Variants in LAMA2 observed in about 807,000 individuals in gnomAD.
LAMA2 encodes laminin subunit alpha-2.
LAMA2 carries 269 observed loss-of-function variants against 364.8 expected under a neutral mutation model. That is an observed-to-expected ratio of 0.74 (90% CI 0.67 to 0.82). The LOEUF (loss-of-function observed/expected upper bound fraction) is 0.82, where lower values mean the gene tolerates loss of function less well. LAMA2 is among the 40% of genes least tolerant of loss of function. The probability of loss-of-function intolerance (pLI) is 0.00; values close to 1 mark genes in which losing one functional copy is unlikely to be tolerated. For missense variants in LAMA2, 3,807 were observed against 3,873.2 expected, an observed-to-expected ratio of 0.98 and a Z score of 0.45; for synonymous variants, 1,379 against 1,370.6, an observed-to-expected ratio of 1.01 and a Z score of -0.14.
chr6:129,290,786 T>C (rs1789638587), intron 19 of LAMA2, among the ~76,000 whole-genome samples: 1 of 152,188 alleles, frequency 6.6e-6, no homozygotes, highest in Non-Finnish European at 1.5e-5. Flanking sequence ...CGTTTTAGAA[T>C]AACCTCAGAC....
chr6:128,968,119 T>A (rs1781962554), intron 1 of LAMA2, among the ~76,000 whole-genome samples: 1 of 152,174 alleles, frequency 6.6e-6, no homozygotes, highest in African/African-American at 2.4e-5. Flanking sequence ...GGGCTTTCCC[T>A]CCAGTCTGGT....
At chr6:129,014,871 A>T (rs906324317) in intron 1 of LAMA2, among the ~76,000 whole-genome samples, 7 of 152,044 alleles carry the variant, frequency 4.6e-5, no homozygotes, top group Non-Finnish European at 1.0e-4. Flanking sequence ...AGATATAAAG[A>T]TTATAAAATA....
At chr6:129,359,292 A>G (rs200090176) in intron 32 of LAMA2, among the ~76,000 whole-genome samples, 3 of 133,920 alleles carry the variant, frequency 2.2e-5, no homozygotes, top group Non-Finnish European at 4.9e-5. Context: ...ATATAAAAAT[A>G]TATAAAATAT....
chr6:129,015,659 A>C (rs1003781373), intron 1 of LAMA2, among the ~76,000 whole-genome samples: 2 of 152,086 alleles, frequency 1.3e-5, no homozygotes, highest in African/African-American at 4.8e-5. Flanking sequence ...TAAGTATTAG[A>C]GCATTCCTCA....
At chr6:129,362,968 A>T (rs9483014) in intron 32 of LAMA2, among the ~76,000 whole-genome samples, 3 of 152,210 alleles carry the variant, frequency 2.0e-5, no homozygotes, top group Admixed American at 1.3e-4. Flanking sequence ...CCTATAATTT[A>T]TCACCTGGTC....
intron 4 of LAMA2, among the ~76,000 whole-genome samples, chr6:129,106,850 C>T (rs1775853173): frequency 7.3e-6 from 1 of 136,358 alleles, no homozygotes; most frequent in South Asian, 2.3e-4. Context: ...TACTAGACTC[C>T]CTTACTCCTC....
chr6:128,885,377 T>C (rs1282812292), intron 1 of LAMA2, among the ~76,000 whole-genome samples: 1 of 152,230 alleles, frequency 6.6e-6, no homozygotes, highest in Non-Finnish European at 1.5e-5. Context: ...ATTTAGAACT[T>C]AGGCTTCCAG....
At chr6:129,154,083 T>TTG (rs939767843) in intron 7 of LAMA2, among the ~76,000 whole-genome samples, 3 of 152,138 alleles carry the variant, frequency 2.0e-5, no homozygotes, top group East Asian at 1.9e-4. Flanking sequence ...CTGGATATGT[T>TTG]TGTGTGTGTG....
chr6:129,386,167 G>A (rs967922061), intron 35 of LAMA2, among the ~76,000 whole-genome samples: 4 of 151,706 alleles, frequency 2.6e-5, no homozygotes, highest in Non-Finnish European at 4.4e-5. Flanking sequence ...TTTGAATTAA[G>A]TTGGAAATAA....
intron 41 of LAMA2, among the ~76,000 whole-genome samples, chr6:129,434,425 G>C (rs1781742800): frequency 6.6e-6 from 1 of 152,112 alleles, no homozygotes; most frequent in Non-Finnish European, 1.5e-5. Context: ...TGTGTGTGTA[G>C]CCTTTGAGTT....
chr6:128,906,578 T>G (rs1369505787), intron 1 of LAMA2, among the ~76,000 whole-genome samples: 1 of 151,190 alleles, frequency 6.6e-6, no homozygotes, highest in Admixed American at 6.6e-5. Flanking sequence ...TCTCCCATTT[T>G]GTAGGTTGCC....
chr6:128,925,191 G>A (rs1404717654), intron 1 of LAMA2, among the ~76,000 whole-genome samples: 2 of 152,048 alleles, frequency 1.3e-5, no homozygotes, highest in Non-Finnish European at 2.9e-5. Context: ...TTAAAAGCAG[G>A]GTCCTGAAAA....
chr6:129,411,259 A>G (rs961200137), intron 40 of LAMA2, among the ~76,000 whole-genome samples: 1 of 152,166 alleles, frequency 6.6e-6, no homozygotes, highest in Non-Finnish European at 1.5e-5. Flanking sequence ...AGTTGTCCAT[A>G]TTTCTTGGGA....
chr6:129,515,455 T>G (rs904354436), intron 64 of LAMA2, among the ~76,000 whole-genome samples: 1 of 152,326 alleles, frequency 6.6e-6, no homozygotes. Context: ...GGAGGTAATG[T>G]ACTTCTCCAT....
chr6:129,419,996 A>G (rs922201086), intron 40 of LAMA2, among the ~76,000 whole-genome samples: 2 of 152,148 alleles, frequency 1.3e-5, no homozygotes, highest in Non-Finnish European at 2.9e-5. Flanking sequence ...ATGATTTTTT[A>G]AATTATTATA....
chr6:129,406,871 G>A (rs184865880), intron 40 of LAMA2, among the ~76,000 whole-genome samples: 3 of 152,208 alleles, frequency 2.0e-5, no homozygotes, highest in African/African-American at 7.2e-5. Flanking sequence ...AAGCCAGCCC[G>A]AGTCCCAAAA....
rs1015845 is a variant in LAMA2 at position 129,291,418 on chromosome 6, G to T, written c.2750-196G>T. Among the ~76,000 whole-genome samples the T allele has an allele frequency of 0.61, 93,297 of 152,116 alleles. 30,440 individuals carry two copies. Among genetic ancestry groups the T allele is most frequent in the Non-Finnish European group, 0.74 (50,341 of 67,980 alleles). On this transcript the variant is annotated intron_variant, in intron 19 of 64. Coordinates refer to ENST00000421865, the MANE Select transcript of LAMA2 (RefSeq NM_000426.4). ...AGACATGATGCTAAAGCCTTTATGT[G>T]AATTATCCCTACAGCTTGTAGAGTT...
chr6:128,961,478 G>A (rs1781521183), intron 1 of LAMA2, among the ~76,000 whole-genome samples: 1 of 148,234 alleles, frequency 6.7e-6, no homozygotes, highest in Admixed American at 6.7e-5. Context: ...TCCCACAATA[G>A]GCTGTCTGCA....
chr6:129,335,335 A>G (rs1309018653), intron 29 of LAMA2, among the ~76,000 whole-genome samples: 1 of 150,590 alleles, frequency 6.6e-6, no homozygotes, highest in Non-Finnish European at 1.5e-5. Context: ...TAACTAGTAC[A>G]CACACATAGG....
Sources: allele counts gnomAD v4.1 joint callset (sites outside exome capture counted in the v4.1 genomes callset), GRCh38; gene constraint gnomAD v4.1.1; transcripts MANE v1.5; gene names NCBI Gene and HGNC (gene_info 2026-07-23, HGNC 2026-07-21).